Variants in SEC31A observed in about 807,000 individuals in gnomAD.
The protein encoded by SEC31A is protein transport protein Sec31A.
SEC31A carries 70 observed loss-of-function variants against 151.0 expected under a neutral mutation model. The observed-to-expected ratio is 0.46, with a 90% CI of 0.38 to 0.57. The LOEUF (loss-of-function observed/expected upper bound fraction) is 0.57. Among genes scored for constraint, SEC31A ranks in the 20% least tolerant of loss-of-function variants. The pLI is 0.00. For missense variants in SEC31A, 1,330 were observed against 1,471.2 expected (o/e 0.90, Z 1.57); for synonymous variants, 475 against 505.9 (o/e 0.94, Z 0.82).
At position 82,830,190 on chromosome 4, in the gene SEC31A, G is replaced by A. The variant is rs140717767; in HGVS notation, c.2969-1132C>T. On this transcript the variant is annotated intron_variant, in intron 22 of 26. Coordinates refer to ENST00000395310, the MANE Select transcript of SEC31A (RefSeq NM_001077207.4). ...TTTTAAAACAGAATTCAGGCGAGGC[G>A]CAGTGGCTCATGCCTGTAATTCCAG... is the stretch of plus-strand genomic sequence containing the variant. Among the ~76,000 whole-genome samples the A allele has an allele frequency of 3.0e-4, 46 of 152,306 alleles. No individual in the cohort carries two copies. The East Asian group carries it at 8.3e-3, about 27-fold the overall frequency.
At chr4:82,879,305 T>A (rs929003429) in intron 3 of SEC31A, among the ~76,000 whole-genome samples, 6 of 150,268 alleles carry the variant, frequency 4.0e-5, no homozygotes, top group African/African-American at 1.5e-4. Context: ...AATCAATCAC[T>A]TCCCTCGAAA....
At position 82,898,794 on chromosome 4, in the gene SEC31A, A is replaced by G. The variant is rs570170320; in HGVS notation, c.-2+919T>C. On this transcript the variant is annotated intron_variant, in intron 3 of 28. Transcript: ENST00000355196. ...TGCTGGTGGGAATGTAAAATGGTGC[A>G]GCCACTAGGGAAAATAATCTGGCAC... is the stretch of plus-strand genomic sequence containing the variant. Among the ~76,000 whole-genome samples, 3 of 152,384 alleles carry G rather than the reference A, an allele frequency of 2.0e-5. No individual in the cohort carries two copies. The South Asian group carries it at 6.2e-4, about 32-fold the overall frequency.
At chr4:82,822,325 T>G (rs1312189571) in intron 25 of SEC31A, among the ~76,000 whole-genome samples, 1 of 150,918 alleles carries the variant, frequency 6.6e-6, no homozygotes, top group African/African-American at 2.4e-5. Context: ...TGTTGGGAGT[T>G]GGGGGTAATA....
At chr4:82,881,770 T>C (rs2125846318) in intron 2 of SEC31A, 88 bp downstream of exon 2, 1 of 997,158 alleles carries the variant, frequency 1.0e-6, no homozygotes, top group South Asian at 1.3e-5. Flanking sequence ...AGAGGCTTTC[T>C]AGAGAAGATA....
At chr4:82,821,289 C>T (rs1723258548) in intron 25 of SEC31A, 181 bp from the exon 26 acceptor site, 1 of 549,874 alleles carries the variant, frequency 1.8e-6, no homozygotes. Context: ...TGGCTCACGC[C>T]TGTAATCCCA....
At chr4:82,846,366 C>CATCATCATCATAATA (rs1553928443) in intron 20 of SEC31A, among the ~76,000 whole-genome samples, 1 of 140,546 alleles carries the variant, frequency 7.1e-6, no homozygotes, top group African/African-American at 2.6e-5. Flanking sequence ...AACTCCAAAA[C>CATCATCATCATAATA]ATAATAATAA....
At chr4:82,842,109 G>C in intron 22 of SEC31A, 31 bp downstream of exon 22, 2 of 1,500,548 alleles carry the variant, frequency 1.3e-6, no homozygotes, top group Non-Finnish European at 1.8e-6. Context: ...ATAAAGGAGG[G>C]GGCCAAACCA....
intron 7 of SEC31A, among the ~76,000 whole-genome samples, chr4:82,870,818 C>A (rs192794023): frequency 6.6e-6 from 1 of 152,296 alleles, no homozygotes; most frequent in East Asian, 1.9e-4. Flanking sequence ...CATGGATGTT[C>A]AATGTAGTGC....
intron 21 of SEC31A, 95 bp downstream of exon 21, chr4:82,844,291 T>C (rs1729577610): frequency 7.5e-7 from 1 of 1,334,944 alleles, no homozygotes; most frequent in Admixed American, 2.0e-5. Context: ...GGTTCTTACT[T>C]ATTGATTTGA....
At chr4:82,876,259 C>T (rs933486915) in intron 4 of SEC31A, among the ~76,000 whole-genome samples, 1 of 151,986 alleles carries the variant, frequency 6.6e-6, no homozygotes, top group African/African-American at 2.4e-5. Flanking sequence ...TACAGGCATG[C>T]ACCACCACTC....
rs575664088 is a variant in SEC31A at position 82,880,784 on chromosome 4, A to T, written c.203+15T>A. 6 of 1,592,440 alleles carry T rather than the reference A, an allele frequency of 3.8e-6. No homozygotes were observed. In the African/African-American group the frequency reaches 5.4e-5, roughly 14 times the overall value. On this transcript the variant is annotated intron_variant, in intron 3 of 26. Coordinates refer to ENST00000395310, the MANE Select transcript of SEC31A (RefSeq NM_001077207.4). ...TAATTAAATAATCACATGAATTTAA[A>T]GCTGAACCTCATACCTGTGAGAAGA...
In SEC31A at chr4:82,864,560, C is replaced by T. The variant is rs1381209786; in HGVS notation, c.1236G>A (p.Met412Ile). ...GCTGCTCAGCTCCCTGATGAGAAGG[C>T]ATTCTGACATTCTCAAACGTAACCA... The part of the protein sequence containing the change: ...GKLVTFENVR[M>I]PSHQGAEQQQ... Residue 412 changes from methionine (M) to isoleucine (I), a missense_variant, in exon 11 of 27, where the codon ATG becomes ATA. Coordinates refer to ENST00000395310, the MANE Select transcript of SEC31A (RefSeq NM_001077207.4). 5.0e-6 allele frequency: 8 copies of T among 1,613,904 alleles called. No individual in the cohort carries two copies. The highest frequency in any genetic ancestry group is 6.8e-6 in the Non-Finnish European group (8 of 1,180,014).
At chr4:82,841,924 A>G (rs1728983578) in intron 22 of SEC31A, among the ~76,000 whole-genome samples, 2 of 151,956 alleles carry the variant, frequency 1.3e-5, no homozygotes, top group Non-Finnish European at 2.9e-5. Context: ...GTAAGCCGAG[A>G]GTGCACCACT....
At chr4:82,860,951 T>G (rs1386204855) in intron 14 of SEC31A, among the ~76,000 whole-genome samples, 5 of 151,788 alleles carry the variant, frequency 3.3e-5, no homozygotes, top group Admixed American at 2.6e-4. Flanking sequence ...AGTCAAGATA[T>G]CACAAAGAAC....
chr4:82,880,570 T>C, intron 3 of SEC31A: 1 of 335,606 alleles, frequency 3.0e-6, no homozygotes, highest in Non-Finnish European at 5.2e-6. Context: ...GCCTGAGCTA[T>C]GAAGTAAGAT....
At chr4:82,859,764 C>T (rs1733641319) in intron 14 of SEC31A, among the ~76,000 whole-genome samples, 1 of 150,564 alleles carries the variant, frequency 6.6e-6, no homozygotes, top group African/African-American at 2.4e-5. Flanking sequence ...GATCTAATTA[C>T]ATTCATTAAC....
chr4:82,863,781 A>C (rs1734688408), intron 11 of SEC31A, among the ~76,000 whole-genome samples: 1 of 152,172 alleles, frequency 6.6e-6, no homozygotes, highest in African/African-American at 2.4e-5. Flanking sequence ...ATTCTTTCCC[A>C]AAATTATTAC....
chr4:82,866,679 G>A (rs1735475199), intron 10 of SEC31A, 129 bp downstream of exon 10: 5 of 792,052 alleles, frequency 6.3e-6, no homozygotes, highest in Non-Finnish European at 9.4e-6. Context: ...TTTGAATGAT[G>A]AAATACCCAC....
chr4:82,849,250 T>C (rs1480277546), intron 19 of SEC31A, among the ~76,000 whole-genome samples: 1 of 152,254 alleles, frequency 6.6e-6, no homozygotes, highest in Middle Eastern at 3.4e-3. Context: ...AAGACCAATA[T>C]CACTTATTAC....
Sources: gnomAD v4.1 joint callset for allele counts (sites outside exome capture counted in the v4.1 genomes callset) on GRCh38, gnomAD v4.1.1 for gene constraint, MANE v1.5 for transcripts, NCBI Gene and HGNC (gene_info 2026-07-23, HGNC 2026-07-21) for gene names.